The following MICALL2 variants were observed in gnomAD, a reference collection of about 807,000 sequenced individuals.
The protein encoded by MICALL2 is MICAL-like protein 2.
Under a neutral mutation model 91.1 loss-of-function variants are expected in MICALL2, and 111 were observed. That is an observed-to-expected ratio of 1.22 (90% CI 1.04 to 1.43). MICALL2 has a LOEUF of 1.43. MICALL2 is among the 40% of genes most tolerant of loss of function. The pLI, the probability that MICALL2 is intolerant of heterozygous loss-of-function variation, is 0.00. For synonymous variants in MICALL2, 694 were observed against 525.3 expected, an observed-to-expected ratio of 1.32 and a Z score of -4.39; for missense variants, 1,556 against 1,236.0, an observed-to-expected ratio of 1.26 and a Z score of -3.88.
At chr7:1,456,071 G>T (rs2128526456) in intron 1 of MICALL2, among the ~76,000 whole-genome samples, 1 of 152,036 alleles carries the variant, frequency 6.6e-6, no homozygotes, top group East Asian at 1.9e-4. Context: ...GTACGGCAGG[G>T]AGCAGAGGCT....
At chr7:1,439,064 G>A in intron 9 of MICALL2, 69 bp from the exon 10 acceptor site, 1 of 1,288,274 alleles carries the variant, frequency 7.8e-7, no homozygotes, top group Admixed American at 2.1e-5. Context: ...GTCTGTCCCA[G>A]CACAGCCAAC....
At chr7:1,439,569 G>T (rs112068143) in intron 9 of MICALL2, 2 of 232,564 alleles carry the variant, frequency 8.6e-6, no homozygotes, top group Middle Eastern at 1.4e-3. Flanking sequence ...TGCATCACAC[G>T]CATGAACACT....
chr7:1,436,019 C>G (rs1027370899), intron 15 of MICALL2, among the ~76,000 whole-genome samples: 3 of 150,730 alleles, frequency 2.0e-5, no homozygotes, highest in African/African-American at 7.4e-5. Flanking sequence ...GGCCACTGCA[C>G]TCCAGCCTGG....
intron 14 of MICALL2, 198 bp from the exon 15 acceptor site, chr7:1,437,054 T>TC (rs1780004070): frequency 8.0e-6 from 4 of 501,940 alleles, no homozygotes; most frequent in Admixed American, 3.9e-5. Flanking sequence ...TGTGCTGGGA[T>TC]CCTTCCCCAT....
In MICALL2 at chr7:1,437,938, A is replaced by G; in HGVS notation, c.2354T>C (p.Ile785Thr). 2.6e-6 allele frequency: 4 copies of G among 1,549,862 alleles called. No individual in the cohort carries two copies. Among genetic ancestry groups the G allele is most frequent in the Non-Finnish European group, 3.5e-6 (4 of 1,147,060 alleles). Reference protein sequence around the residue: ...DSLMVDWFWLIHEKQLLLRQE... With the variant: ...DSLMVDWFWLTHEKQLLLRQE... ...TCTCAGCAGAAGCTGCTTCTCGTGA[A>G]TGAGCCAGAACCAGTCCACCATGAG... The change falls in exon 13 of 17, where the codon ATT becomes ACT. Residue 785 changes from isoleucine (I) to threonine (T), a missense_variant. Physicochemically the swap from Ile to Thr is moderately conservative, Grantham distance 89 (BLOSUM62 -1). Coordinates refer to ENST00000297508, the MANE Select transcript of MICALL2 (RefSeq NM_182924.4).
chr7:1,439,492 A>ACG, intron 9 of MICALL2: 1 of 195,482 alleles, frequency 5.1e-6, no homozygotes, highest in Non-Finnish European at 1.0e-5. Flanking sequence ...CACATGCATC[A>ACG]CGTGTGGGCA....
chr7:1,438,037 C>A, intron 12 of MICALL2, 57 bp from the exon 13 acceptor site: 1 of 1,560,068 alleles, frequency 6.4e-7, no homozygotes, highest in East Asian at 2.4e-5. Context: ...GGCCCCCAGC[C>A]CCAGGACTGA....
At position 1,445,342 on chromosome 7, in the gene MICALL2, G is replaced by T; in HGVS notation, c.728C>A (p.Pro243His). 1 of 1,604,612 alleles carries T rather than the reference G, an allele frequency of 6.2e-7. No homozygotes were observed. The highest frequency in any genetic ancestry group is 1.1e-5 in the South Asian group (1 of 90,496). ...PGTFVCTSHL[P>H]AAASASPKLT... ...CTTGGGGCTTGCAGAGGCGGCTGCG[G>T]GGAGGTGGCTGGTGCAGACGAAGGT... The change falls in exon 6 of 17, where the codon CCC (proline) becomes CAC (histidine). Residue 243 changes from proline (P) to histidine (H), a missense_variant. Physicochemically the swap from Pro to His is moderately conservative, Grantham distance 77. Transcript: ENST00000297508.
intron 5 of MICALL2, among the ~76,000 whole-genome samples, chr7:1,446,012 C>T (rs982777836): frequency 1.0e-4 from 15 of 147,636 alleles, no homozygotes; most frequent in Non-Finnish European, 1.9e-4. Flanking sequence ...GTCGGGAGGG[C>T]ATCTTGACGG....
At chr7:1,454,303 A>T (rs1780936894) in intron 1 of MICALL2, among the ~76,000 whole-genome samples, 1 of 152,024 alleles carries the variant, frequency 6.6e-6, no homozygotes, top group Admixed American at 6.6e-5. Context: ...AGAGAGCTGG[A>T]GAGAGAGAGG....
At chr7:1,456,178 C>T (rs1347225049) in intron 1 of MICALL2, among the ~76,000 whole-genome samples, 1 of 148,266 alleles carries the variant, frequency 6.7e-6, no homozygotes, top group Non-Finnish European at 1.5e-5. Flanking sequence ...CCCAGCGCTT[C>T]GGGAGGCTGA....
intron 9 of MICALL2, chr7:1,439,582 T>C (rs1264023174): frequency 7.9e-6 from 2 of 254,164 alleles, no homozygotes; most frequent in Non-Finnish European, 1.5e-5. Flanking sequence ...TGAACACTGA[T>C]GTACACATGA....
chr7:1,453,994 C>A (rs2128525754), intron 1 of MICALL2, among the ~76,000 whole-genome samples: 1 of 152,312 alleles, frequency 6.6e-6, no homozygotes, highest in South Asian at 2.1e-4. Flanking sequence ...CCGGCCACAC[C>A]TGCCCCCACC....
intron 9 of MICALL2, chr7:1,439,255 C>T: frequency 2.0e-6 from 1 of 500,092 alleles, no homozygotes; most frequent in South Asian, 2.8e-5. Context: ...GGATATGGAT[C>T]CAGGGCAGCT....
In MICALL2 at chr7:1,448,754, C is replaced by G; in HGVS notation, c.200G>C (p.Arg67Pro). ...GATGCCCAAGTGCTCCTCGGCCACG[C>G]GGAAGGCCTGCGAAAGGTGGGAGGG... ...NIYENNKLAF[R>P]VAEEHLGIPA... Residue 67 changes from arginine to proline, a missense_variant, in exon 3 of 17, where the codon CGC becomes CCC. Transcript: ENST00000297508. 6.2e-7 allele frequency: 1 copy of G among 1,612,594 alleles called. No individual in the cohort carries two copies. The highest frequency in any genetic ancestry group is 1.3e-5 in the African/African-American group (1 of 75,048).
At chr7:1,441,960 GT>G in intron 7 of MICALL2, 1 of 582,488 alleles carries the variant, frequency 1.7e-6, no homozygotes, top group South Asian at 2.0e-5. Context: ...TGCGGATGGG[GT>G]GGGCTGGGTG....
At chr7:1,442,644 T>G (rs566714212) in intron 6 of MICALL2, among the ~76,000 whole-genome samples, 160 bp from the exon 7 acceptor site, 9 of 144,990 alleles carry the variant, frequency 6.2e-5, no homozygotes, top group Non-Finnish European at 1.2e-4. Flanking sequence ...CCCCCACCAT[T>G]GCGCCAGGCC....
chr7:1,440,490 T>G, intron 8 of MICALL2, 101 bp downstream of exon 8: 1 of 1,052,550 alleles, frequency 9.5e-7, no homozygotes, highest in South Asian at 1.3e-5. Flanking sequence ...GAGGTGCGTC[T>G]ATCCCTGGAT....
rs1341577248 is a variant in MICALL2 at position 1,447,750 on chromosome 7, C to A, written c.350G>T (p.Gly117Val). The A allele has an allele frequency of 6.5e-7, 1 of 1,542,978 alleles. No homozygotes were observed. Residue 117 changes from glycine (G) to valine (V), a missense_variant, in exon 4 of 17, where the codon GGC becomes GTC. Gly to Val is a moderately radical substitution (Grantham distance 109, BLOSUM62 -3). Coordinates refer to ENST00000297508, the MANE Select transcript of MICALL2 (RefSeq NM_182924.4). ...HGRSPIGGMA[G>V]VKRASEDSEE... Reference sequence around the variant, plus strand: ...AGAGTCCTCCGAGGCCCTCTTCACGCCTGCCATGCCCCCAACTGGAGGAAT... The same window carrying A: ...AGAGTCCTCCGAGGCCCTCTTCACGACTGCCATGCCCCCAACTGGAGGAAT...
Sources: allele counts gnomAD v4.1 joint callset (sites outside exome capture counted in the v4.1 genomes callset), GRCh38; gene constraint gnomAD v4.1.1; transcripts MANE v1.5; gene names NCBI Gene and HGNC (gene_info 2026-07-23, HGNC 2026-07-21).